UNC13C: variants seen among roughly 807,000 people sequenced by gnomAD.
The protein encoded by UNC13C is unc-13 homolog C.
UNC13C carries 174 observed loss-of-function variants against 245.4 expected under a neutral mutation model. That is an observed-to-expected ratio of 0.71 (90% confidence interval 0.63 to 0.80). The LOEUF (loss-of-function observed/expected upper bound fraction) is 0.80. Ranked by LOEUF, UNC13C falls within the 30% of genes least tolerant of loss-of-function variation. The pLI, the probability that UNC13C is intolerant of heterozygous loss-of-function variation, is 0.00. For synonymous variants in UNC13C, 992 were observed against 895.1 expected, an observed-to-expected ratio of 1.11 and a Z score of -1.93; for missense variants, 2,829 against 2,602.9, an observed-to-expected ratio of 1.09 and a Z score of -1.89.
At chr15:54,110,612 A>G (rs1900719747) in intron 2 of UNC13C, among the ~76,000 whole-genome samples, 1 of 152,256 alleles carries the variant, frequency 6.6e-6, no homozygotes, top group Non-Finnish European at 1.5e-5. Context: ...ATTGCATGTT[A>G]TTTGAACATT....
the UNC13C span, among the ~76,000 whole-genome samples, chr15:53,925,626 C>T: frequency 1.3e-5 from 2 of 152,156 alleles, no homozygotes; most frequent in African/African-American, 4.8e-5. Flanking sequence ...CTTTTGTTTA[C>T]ATTTTAAAGA....
chr15:53,918,608 G>A, the UNC13C span, among the ~76,000 whole-genome samples: 2 of 152,198 alleles, frequency 1.3e-5, no homozygotes, highest in Non-Finnish European at 2.9e-5. Flanking sequence ...GACTGTCCCC[G>A]TTCTTGTAGC....
chr15:54,438,921 T>C (rs1298622259), intron 19 of UNC13C, among the ~76,000 whole-genome samples: 1 of 152,026 alleles, frequency 6.6e-6, no homozygotes, highest in Non-Finnish European at 1.5e-5. Context: ...CTTGTGTTGT[T>C]TGTAAATAGC....
intron 19 of UNC13C, among the ~76,000 whole-genome samples, chr15:54,463,674 C>T (rs894611100): frequency 2.6e-5 from 4 of 152,132 alleles, no homozygotes; most frequent in African/African-American, 9.7e-5. Flanking sequence ...AAACTCTGGG[C>T]ACACCATCTT....
chr15:54,501,823 A>G lies in UNC13C; in HGVS notation c.5301+845A>G, dbSNP rs941250999. Among the ~76,000 whole-genome samples, 17 of 152,166 alleles carry G rather than the reference A, an allele frequency of 1.1e-4. 1 individual carries two copies. Among genetic ancestry groups the G allele is most frequent in the East Asian group, 7.7e-4 (4 of 5,184 alleles). ...GAAAAGTATTCTAAGCCAGAGGAATAGCGGGAACAAAGGAAGAGGTAAAGC... is the reference window on the plus strand; with the variant it reads ...GAAAAGTATTCTAAGCCAGAGGAATGGCGGGAACAAAGGAAGAGGTAAAGC... On this transcript the variant is annotated intron_variant, in intron 22 of 32. Coordinates refer to ENST00000260323, the MANE Select transcript of UNC13C (RefSeq NM_001080534.3).
intron 2 of UNC13C, among the ~76,000 whole-genome samples, chr15:54,060,691 C>T (rs1428550344): frequency 1.3e-5 from 2 of 152,058 alleles, no homozygotes; most frequent in East Asian, 1.9e-4. Context: ...CGGCACTATT[C>T]ACAATAGCAA....
intron 2 of UNC13C, among the ~76,000 whole-genome samples, chr15:54,074,670 G>T (rs1191811126): frequency 6.6e-6 from 1 of 151,868 alleles, no homozygotes; most frequent in African/African-American, 2.4e-5. Context: ...TCATGGTTTG[G>T]CTGTTTGTCT....
intron 20 of UNC13C, among the ~76,000 whole-genome samples, chr15:54,496,595 G>GTA (rs534838089): frequency 0.011 from 1,689 of 151,210 alleles, 22 homozygotes; most frequent in African/African-American, 0.03. Context: ...GTGTGTGTGT[G>GTA]TATATATATA....
At chr15:54,546,440 C>T (rs1484906583) in intron 26 of UNC13C, among the ~76,000 whole-genome samples, 2 of 152,112 alleles carry the variant, frequency 1.3e-5, no homozygotes, top group Non-Finnish European at 2.9e-5. Context: ...GCACATTCTG[C>T]ACACGTATCC....
In UNC13C at chr15:54,013,617, A is replaced by C; in HGVS notation, c.714A>C (p.Gln238His). Residue 238 changes from glutamine (Q) to histidine (H), a missense_variant, in exon 2 of 33, where the codon CAA becomes CAC. Transcript: ENST00000260323. The part of the protein sequence containing the change: ...PGFSSSGCIS[Q>H]THDVMEMIFK... ...TCAGTTCCTCTGGCTGCATTAGCCAAACACATGATGTCATGGAAATGATCT... is the reference window on the plus strand; with the variant it reads ...TCAGTTCCTCTGGCTGCATTAGCCACACACATGATGTCATGGAAATGATCT... 6.2e-7 allele frequency: 1 copy of C among 1,613,734 alleles called. No individual in the cohort carries two copies. Among genetic ancestry groups the C allele is most frequent in the Non-Finnish European group, 8.5e-7 (1 of 1,179,792 alleles).
intron 18 of UNC13C, among the ~76,000 whole-genome samples, chr15:54,411,106 C>A (rs898004534): frequency 2.6e-5 from 4 of 152,010 alleles, no homozygotes; most frequent in African/African-American, 9.7e-5. Flanking sequence ...TAATGTTGAG[C>A]CTATTTGCAT....
intron 13 of UNC13C, among the ~76,000 whole-genome samples, chr15:54,303,489 A>C (rs1301791212): frequency 1.3e-5 from 2 of 152,188 alleles, no homozygotes; most frequent in African/African-American, 4.8e-5. Flanking sequence ...TAAGAAACAC[A>C]GTCATGTTAA....
At chr15:54,165,618 A>C (rs1433399392) in intron 4 of UNC13C, among the ~76,000 whole-genome samples, 1 of 152,120 alleles carries the variant, frequency 6.6e-6, no homozygotes, top group Non-Finnish European at 1.5e-5. Flanking sequence ...TTCAAATAGA[A>C]TAATATAACA....
At chr15:53,979,134 T>TAA (rs34012487) in intron 1 of UNC13C, among the ~76,000 whole-genome samples, 1 of 151,810 alleles carries the variant, frequency 6.6e-6, no homozygotes, top group Non-Finnish European at 1.5e-5. Flanking sequence ...TCATTGCTTT[T>TAA]AAAAAAAGAA....
At chr15:53,862,068 T>G in the UNC13C span, among the ~76,000 whole-genome samples, 2 of 152,068 alleles carry the variant, frequency 1.3e-5, no homozygotes, top group East Asian at 3.9e-4. Flanking sequence ...ACAACAGAAA[T>G]TTATTTTTCA....
intron 11 of UNC13C, 104 bp from the exon 12 acceptor site, chr15:54,297,707 C>T: frequency 2.5e-6 from 2 of 810,336 alleles, no homozygotes; most frequent in East Asian, 2.7e-5. Flanking sequence ...CTTTTAGCTA[C>T]TTAAGCCGTT....
At chr15:54,424,879 G>A (rs1596356627) in intron 19 of UNC13C, among the ~76,000 whole-genome samples, 1 of 151,742 alleles carries the variant, frequency 6.6e-6, no homozygotes, top group East Asian at 1.9e-4. Context: ...GTATTGTGCT[G>A]TGCTCTGCTC....
intron 19 of UNC13C, among the ~76,000 whole-genome samples, chr15:54,483,077 A>T (rs1463660311): frequency 6.6e-6 from 1 of 152,234 alleles, no homozygotes; most frequent in Admixed American, 6.5e-5. Flanking sequence ...AATATAGTGA[A>T]TACTAGAGCT....
chr15:54,581,974 A>T (rs1326631880), intron 30 of UNC13C, among the ~76,000 whole-genome samples: 2 of 152,096 alleles, frequency 1.3e-5, no homozygotes, highest in Non-Finnish European at 2.9e-5. Context: ...AGAGGAGGTC[A>T]TACAGGTTAG....
Sources: gnomAD v4.1 joint callset for allele counts (sites outside exome capture counted in the v4.1 genomes callset) on GRCh38, gnomAD v4.1.1 for gene constraint, MANE v1.5 for transcripts, NCBI Gene and HGNC (gene_info 2026-07-23, HGNC 2026-07-21) for gene names.